Variants in TNS2 observed in about 807,000 individuals in gnomAD.
TNS2 encodes the protein tensin 2.
Under a neutral mutation model 155.7 loss-of-function variants are expected in TNS2, and 77 were observed. The ratio of observed to expected loss-of-function variants is 0.49; its 90% CI spans 0.41 to 0.60. TNS2 has a LOEUF of 0.60. Among genes scored for constraint, TNS2 ranks in the 20% least tolerant of loss-of-function variants. TNS2 has a pLI of 0.00. For synonymous variants in TNS2, 726 were observed against 763.9 expected (o/e 0.95, Z 0.82); for missense variants, 1,703 against 1,868.8 (o/e 0.91, Z 1.64).
chr12:53,048,896 GC>G (rs1481682229), upstream of TNS2: 2 of 342,552 alleles, frequency 5.8e-6, no homozygotes, highest in African/African-American at 4.3e-5. Flanking sequence ...TGGGGGAGTT[GC>G]CTGAGTACTG....
At chr12:53,057,734 C>T in intron 12 of TNS2, 39 bp from the exon 13 acceptor site, 1 of 1,614,112 alleles carries the variant, frequency 6.2e-7, no homozygotes, top group Non-Finnish European at 8.5e-7. Flanking sequence ...GCCCTCTCCA[C>T]TCAGCACCCC....
upstream of TNS2, chr12:53,049,175 G>A: frequency 6.3e-7 from 1 of 1,587,808 alleles, no homozygotes. Flanking sequence ...GTTGGGAGGG[G>A]GGACCTCCTG....
intron 10 of TNS2, 81 bp from the exon 11 acceptor site, chr12:53,056,932 C>G (rs1360333510): frequency 6.0e-6 from 8 of 1,332,784 alleles, no homozygotes; most frequent in Non-Finnish European, 7.4e-6. Context: ...CATATTTCTC[C>G]TCCATCCCCT....
At chr12:53,053,123 A>T in intron 3 of TNS2, 1 of 443,942 alleles carries the variant, frequency 2.3e-6, no homozygotes, top group Non-Finnish European at 4.2e-6. Flanking sequence ...ATCCCTGGCC[A>T]TGGCCTGCCT....
Position 53,062,619 on chromosome 12 carries a change from G to A in TNS2, c.3746-1G>A. ...TCCCTGTCGGTTCTCATTGCCCTCAGATCCTCTGGAAGAGACCCCAGAGGC... is the reference window on the plus strand; with the variant it reads ...TCCCTGTCGGTTCTCATTGCCCTCAAATCCTCTGGAAGAGACCCCAGAGGC... On this transcript the variant is annotated splice_acceptor_variant, in intron 24 of 28. Transcript: ENST00000314250. LOFTEE classifies it high-confidence loss of function. The A allele has an allele frequency of 6.2e-7, 1 of 1,613,924 alleles. No individual in the cohort carries two copies. Among genetic ancestry groups the A allele is most frequent in the South Asian group, 1.1e-5 (1 of 91,076 alleles).
In TNS2 at chr12:53,060,418, G is replaced by A. The variant is rs113627018; in HGVS notation, c.2631G>A (p.Pro877=). Residue 877 remains proline (P), a synonymous_variant, in exon 19 of 29, where the codon CCG becomes CCA. Transcript: ENST00000314250. This position sits in a 1 kb window ranked among gnomAD's most constrained non-coding sequence, Gnocchi z 6.1. ...GPLASAESLE[P]VSWREGPSGH... is the part of the protein sequence containing the mutation. ...CCTTCACTGCAGAGTCGCTGGAGCC[G>A]GTGTCCTGGAGGGAGGGCCCCAGTG... 1.9e-5 allele frequency: 31 copies of A among 1,612,674 alleles called. No individual in the cohort carries two copies. The highest frequency in any genetic ancestry group is 9.3e-5 in the African/African-American group (7 of 74,888).
intron 2 of TNS2, 117 bp downstream of exon 2, chr12:53,052,080 C>A (rs1385342787): frequency 5.6e-6 from 5 of 891,374 alleles, no homozygotes; most frequent in Non-Finnish European, 8.5e-6. Flanking sequence ...GGATTAGGCA[C>A]AATGGCAGCT....
At position 53,061,953 on chromosome 12, in the gene TNS2, C is replaced by G. The variant is rs1355100941; in HGVS notation, c.3574+13C>G. The G allele has an allele frequency of 6.2e-7, 1 of 1,610,032 alleles. No homozygotes were observed. The highest frequency in any genetic ancestry group is 1.1e-5 in the South Asian group (1 of 90,680). ...CAGCCCTGGAAAGGTACAGAACACC[C>G]AAACCTGAGTGGGGTGGGGATGAAG... is the stretch of plus-strand genomic sequence containing the variant. On this transcript the variant is annotated intron_variant, in intron 22 of 28. Coordinates refer to ENST00000314250, the MANE Select transcript of TNS2 (RefSeq NM_170754.4).
In TNS2 at chr12:53,053,760, C is replaced by T. The variant is rs1425563651; in HGVS notation, c.262-14C>T. ...TAACTAACCACTCCCTTTTCCTCCC[C>T]CATCTCCCTCTAGCGGCGAAACACG... On this transcript the variant is annotated splice_polypyrimidine_tract_variant and intron_variant, in intron 4 of 28. Coordinates refer to ENST00000314250, the MANE Select transcript of TNS2 (RefSeq NM_170754.4). 1.9e-6 allele frequency: 3 copies of T among 1,610,384 alleles called. No homozygotes were observed. The East Asian group carries it at 6.7e-5, about 36-fold the overall frequency.
In TNS2 at chr12:53,054,382, CG is replaced by C; in HGVS notation, c.467del (p.Gly156AlafsTer30). On this transcript the variant is annotated frameshift_variant, in exon 7 of 29. Coordinates refer to ENST00000314250, the MANE Select transcript of TNS2 (RefSeq NM_170754.4). LOFTEE classifies it high-confidence loss of function. The part of the protein sequence containing the change: ...FPARPDEQRH[R>X]GHLRELAHVL... The stretch of plus-strand genomic sequence containing the variant: ...CGCGCGGCCCGATGAACAGCGGCAC[CG>C]GGGCCACCTGCGCGAGCTGGCCCAT... 6.2e-7 allele frequency: 1 copy of C among 1,611,444 alleles called. No individual in the cohort carries two copies. The highest frequency in any genetic ancestry group is 1.7e-5 in the Admixed American group (1 of 59,248).
chr12:53,061,590 C>A, intron 21 of TNS2, 121 bp downstream of exon 21: 3 of 1,349,364 alleles, frequency 2.2e-6, no homozygotes, highest in Non-Finnish European at 2.1e-6. Flanking sequence ...TTACTCTTGG[C>A]TGAGTGTTTA....
At chr12:53,061,744 G>C in intron 21 of TNS2, 71 bp from the exon 22 acceptor site, 1 of 1,556,274 alleles carries the variant, frequency 6.4e-7, no homozygotes, top group East Asian at 2.3e-5. Flanking sequence ...AGCAGAGGAG[G>C]GGGGCTGCAT....
chr12:53,055,188 C>T lies in TNS2; in HGVS notation c.525C>T (p.Leu175=), dbSNP rs1404545624. 1.1e-5 allele frequency: 18 copies of T among 1,613,916 alleles called. No homozygotes were observed. The highest frequency in any genetic ancestry group is 1.4e-5 in the Non-Finnish European group (17 of 1,180,010). ...LQSKHRDKYL[L]FNLSEKRHDL... Reference sequence around the variant, plus strand: ...AAAGCCCTCCCCCTTTATTTCAGCTCTTCAACCTTTCAGAGAAAAGGCATG... The same window carrying T: ...AAAGCCCTCCCCCTTTATTTCAGCTTTTCAACCTTTCAGAGAAAAGGCATG... The change falls in exon 8 of 29, where the codon CTC becomes CTT. Residue 175 remains leucine (L), a splice_region_variant and synonymous_variant. Transcript: ENST00000314250.
chr12:53,062,558 G>GTGCT (rs1944417430), intron 24 of TNS2, 62 bp from the exon 25 acceptor site: 12 of 1,609,004 alleles, frequency 7.5e-6, no homozygotes, highest in Admixed American at 3.3e-5. Flanking sequence ...AGCAGAGGGA[G>GTGCT]TGCTCCAGCC....
rs115643230 is a variant in TNS2 at position 53,060,052 on chromosome 12, G to A, written c.2411G>A (p.Arg804His). The A allele has an allele frequency of 7.4e-4, 1,197 of 1,613,360 alleles. 9 individuals are homozygous for A. The African/African-American group carries it at 0.013, about 18-fold the overall frequency. ...CCCAGTTACTGCCCAGCATATGGCC[G>A]TGTGCCTCATAGCTGTGGCTCTCCA... is the stretch of plus-strand genomic sequence containing the variant. ...AVPSYCPAYG[R>H]VPHSCGSPGE... Residue 804 changes from arginine to histidine, a missense_variant, in exon 18 of 29, where the codon CGT (arginine) becomes CAT (histidine). Physicochemically the swap from Arg to His is conservative, Grantham distance 29. Transcript: ENST00000314250. This position sits in a 1 kb window ranked among gnomAD's most constrained non-coding sequence, Gnocchi z 6.1.
chr12:53,063,035 G>T lies in TNS2; in HGVS notation c.3824-54G>T. The T allele has an allele frequency of 6.7e-7, 1 of 1,503,224 alleles. No individual in the cohort carries two copies. The highest frequency in any genetic ancestry group is 8.9e-7 in the Non-Finnish European group (1 of 1,129,800). The allele number at this position is 1,503,224 out of a possible 1,614,324, so 93.1% of individuals were successfully genotyped here. A position where few individuals can be genotyped will look rare whatever the true frequency, so the allele number is the denominator to read the frequency against. Reference sequence around the variant, plus strand: ...AGCTGGGGAATGTGCAAGAGCTGGTGGGGGTGGCTAGGGGATGGGCACTCC... The same window carrying T: ...AGCTGGGGAATGTGCAAGAGCTGGTTGGGGTGGCTAGGGGATGGGCACTCC... On this transcript the variant is annotated intron_variant, in intron 25 of 28. Transcript: ENST00000314250. The surrounding 1 kb of genome is among the most constrained non-coding windows in gnomAD (Gnocchi z 5.6).
At position 53,059,323 on chromosome 12, in the gene TNS2, C is replaced by T. The variant is rs372047594; in HGVS notation, c.1682C>T (p.Thr561Met). 20 of 1,433,382 alleles carry T rather than the reference C, an allele frequency of 1.4e-5. No homozygotes were observed. In the African/African-American group the frequency reaches 1.6e-4, roughly 12 times the overall value. 88.8% of individuals were successfully genotyped at this position (1,433,382 alleles called of 1,614,324 possible). A position where few individuals can be genotyped will look rare whatever the true frequency, so the allele number is the denominator to read the frequency against. Reference sequence around the variant, plus strand: ...GGGGGCCGGGGAGCTGGGCGCGAGACGGCCATCCTAGATGACGAAGAGCAG... The same window carrying T: ...GGGGGCCGGGGAGCTGGGCGCGAGATGGCCATCCTAGATGACGAAGAGCAG... ...ASGGRGAGRE[T>M]AILDDEEQPT... is the part of the protein sequence containing the mutation. The change falls in exon 18 of 29, where the codon ACG becomes ATG. Residue 561 changes from threonine to methionine, a missense_variant. Transcript: ENST00000314250. This position sits in a 1 kb window ranked among gnomAD's most constrained non-coding sequence, Gnocchi z 4.7.
In TNS2 at chr12:53,063,740, CT is replaced by C; in HGVS notation, c.4092-3del. On this transcript the variant is annotated splice_polypyrimidine_tract_variant and splice_region_variant and intron_variant, in intron 28 of 28. Transcript: ENST00000314250. The surrounding 1 kb of genome is among the most constrained non-coding windows in gnomAD (Gnocchi z 5.6). ...AGCCCCTTCCCCACCCTTTATCCCC[CT>C]AGGATCTTTGGTTTCGTGGCCAAGA... is the stretch of plus-strand genomic sequence containing the variant. 15 of 1,614,060 alleles carry C rather than the reference CT, an allele frequency of 9.3e-6. No individual in the cohort carries two copies. The highest frequency in any genetic ancestry group is 1.3e-5 in the Non-Finnish European group (15 of 1,179,940).
intron 24 of TNS2, 47 bp from the exon 25 acceptor site, chr12:53,062,573 G>C: frequency 6.2e-7 from 1 of 1,611,244 alleles, no homozygotes. Flanking sequence ...CCAGCCTGGG[G>C]AACACTCTGC....
Sources: gnomAD v4.1 joint callset for allele counts on GRCh38, gnomAD v4.1.1 for gene constraint, Gnocchi (gnomAD v3.1) non-coding constraint, MANE v1.5 for transcripts, NCBI Gene and HGNC (gene_info 2026-07-23, HGNC 2026-07-21) for gene names.